Variants in CRPPA observed in about 807,000 individuals in gnomAD.
CRPPA encodes the protein CDP-L-ribitol pyrophosphorylase A, also known as D-ribitol-5-phosphate cytidylyltransferase.
CRPPA carries 43 observed loss-of-function variants against 52.0 expected under a neutral mutation model. The ratio of observed to expected loss-of-function variants is 0.83; its 90% CI spans 0.65 to 1.07. The LOEUF (loss-of-function observed/expected upper bound fraction) is 1.07. CRPPA is among the 50% of genes least tolerant of loss of function. The pLI, the probability that CRPPA is intolerant of heterozygous loss-of-function variation, is 0.00. For synonymous variants in CRPPA, 250 were observed against 203.5 expected, an observed-to-expected ratio of 1.23 and a Z score of -1.94; for missense variants, 629 against 551.7, an observed-to-expected ratio of 1.14 and a Z score of -1.40.
intron 3 of CRPPA, among the ~76,000 whole-genome samples, chr7:16,324,695 A>G (rs1025939401): frequency 3.9e-5 from 6 of 152,238 alleles, no homozygotes; most frequent in African/African-American, 1.4e-4. Context: ...TAACATCATT[A>G]TCTGCTCATG....
chr7:16,252,902 A>C lies in CRPPA; in HGVS notation c.1119+5488T>G, dbSNP rs551506289. ...GTAGTTTATTTGAGTAGAGGTGTTC[A>C]TAGTATTCTCTGATGGTAGTTTGTA... On this transcript the variant is annotated intron_variant, in intron 8 of 9. Transcript: ENST00000407010. 2.6e-5 allele frequency among the ~76,000 whole-genome samples: 4 copies of C among 152,252 alleles called. No individual in the cohort carries two copies. In the South Asian group the frequency reaches 8.3e-4, roughly 32 times the overall value.
chr7:16,159,079 C>T (rs1783247024), intron 9 of CRPPA, among the ~76,000 whole-genome samples: 1 of 152,206 alleles, frequency 6.6e-6, no homozygotes, highest in Non-Finnish European at 1.5e-5. Context: ...TTCACCACCA[C>T]TTAGAGTGGT....
chr7:16,344,080 C>A (rs1309469823), intron 3 of CRPPA, among the ~76,000 whole-genome samples: 1 of 151,980 alleles, frequency 6.6e-6, no homozygotes, highest in Non-Finnish European at 1.5e-5. Flanking sequence ...ACAGCAACAA[C>A]AAAAAATTAA....
chr7:16,383,804 G>A lies in CRPPA; in HGVS notation c.535-7563C>T, dbSNP rs138610144. On this transcript the variant is annotated intron_variant, in intron 2 of 9. Coordinates refer to ENST00000407010, the MANE Select transcript of CRPPA (RefSeq NM_001101426.4). ...GGGCGTAGGACCCTCCAAGCCATGT[G>A]CGGGATATAATCTCCTGGTGTGCCG... 5.6e-3 allele frequency among the ~76,000 whole-genome samples: 849 copies of A among 152,370 alleles called. 8 individuals are homozygous for A. The highest frequency in any genetic ancestry group is 6.5e-3 in the Non-Finnish European group (444 of 68,042).
intron 3 of CRPPA, among the ~76,000 whole-genome samples, chr7:16,311,924 G>A (rs1785042308): frequency 6.6e-6 from 1 of 151,948 alleles, no homozygotes; most frequent in Non-Finnish European, 1.5e-5. Flanking sequence ...AAGACCAATT[G>A]ATTACATTTA....
intron 9 of CRPPA, among the ~76,000 whole-genome samples, chr7:16,190,388 G>A (rs570443254): frequency 1.3e-5 from 2 of 152,090 alleles, no homozygotes; most frequent in African/African-American, 2.4e-5. Context: ...AGGAACAAAC[G>A]AATTAAGTAT....
chr7:16,234,249 C>T (rs73291476), intron 8 of CRPPA, among the ~76,000 whole-genome samples: 1 of 151,856 alleles, frequency 6.6e-6, no homozygotes, highest in Non-Finnish European at 1.5e-5. Context: ...AATACCACTC[C>T]CCAAATTTAA....
chr7:16,199,814 T>C (rs1243762420), intron 9 of CRPPA, among the ~76,000 whole-genome samples: 2 of 152,056 alleles, frequency 1.3e-5, no homozygotes, highest in Non-Finnish European at 2.9e-5. Flanking sequence ...TCCACTCTAA[T>C]TTATTCCAAA....
intron 3 of CRPPA, among the ~76,000 whole-genome samples, chr7:16,363,968 T>A (rs946453707): frequency 3.9e-5 from 6 of 152,120 alleles, no homozygotes; most frequent in African/African-American, 1.4e-4. Flanking sequence ...TAAAAACTAA[T>A]CTAAGAAATT....
intron 8 of CRPPA, among the ~76,000 whole-genome samples, chr7:16,220,766 T>G (rs1782476879): frequency 6.6e-6 from 1 of 151,544 alleles, no homozygotes; most frequent in African/African-American, 2.4e-5. Flanking sequence ...CAAGGACAAC[T>G]ACAAACCACT....
intron 3 of CRPPA, among the ~76,000 whole-genome samples, chr7:16,372,236 C>T (rs1786768083): frequency 6.6e-6 from 1 of 152,126 alleles, no homozygotes; most frequent in Non-Finnish European, 1.5e-5. Flanking sequence ...ATCACCAAGG[C>T]ACATAGTCAT....
rs1395463243 is a variant in CRPPA, at chr7:16,089,304, ATGTG to A, written c.*2387_*2390del. 4.0e-5 allele frequency: 16 copies of A among 396,840 alleles called. No homozygotes were observed. The highest frequency in any genetic ancestry group is 3.2e-4 in the Admixed American group (13 of 40,680). The allele number at this position is 396,840 out of a possible 1,614,324, so 24.6% of individuals were successfully genotyped here. The stretch of plus-strand genomic sequence containing the variant: ...TGTGTATGCGTACGTATATACATAT[ATGTG>A]TGTATGCGTACGTATATAAATATAT... On this transcript the variant is annotated 3_prime_UTR_variant, in exon 10 of 10. Transcript: ENST00000407010.
In CRPPA at chr7:16,090,144, T is replaced by G. The variant is rs1781804524; in HGVS notation, c.*1551A>C. The G allele has an allele frequency of 6.6e-6, 1 of 152,114 alleles. No homozygotes were observed. Among genetic ancestry groups the G allele is most frequent in the African/African-American group, 2.4e-5 (1 of 41,386 alleles). The allele number at this position is 152,114 out of a possible 1,614,324, so 9.4% of individuals were successfully genotyped here. A position where few individuals can be genotyped will look rare whatever the true frequency, so the allele number is the denominator to read the frequency against. ...AAACTTAAATTAATGGATTTTAAAT[T>G]TCTTAATATTCCTAGAGAGAGAAAA... On this transcript the variant is annotated 3_prime_UTR_variant, in exon 10 of 10. Coordinates refer to ENST00000407010, the MANE Select transcript of CRPPA (RefSeq NM_001101426.4).
rs1583476400 is a variant in CRPPA, at chr7:16,262,975, T to TTGC, written c.934-3964_934-3963insGCA. 4.6e-5 allele frequency among the ~76,000 whole-genome samples: 7 copies of TTGC among 152,346 alleles called. No homozygotes were observed. In the East Asian group the frequency reaches 1.3e-3, roughly 29 times the overall value. On this transcript the variant is annotated intron_variant, in intron 6 of 9. Transcript: ENST00000407010. Reference sequence around the variant, plus strand: ...TTTTTAAAGCAATGGAGAAGGAAGATTTTATGAATGATCTTTATCATATTT... The same window carrying TTGC: ...TTTTTAAAGCAATGGAGAAGGAAGATTGCTTTATGAATGATCTTTATCATATTT...
At chr7:16,202,474 C>G (rs1451667049) in intron 9 of CRPPA, among the ~76,000 whole-genome samples, 2 of 152,130 alleles carry the variant, frequency 1.3e-5, no homozygotes, top group African/African-American at 4.8e-5. Flanking sequence ...CACTGAGGGC[C>G]TACACTAGAC....
chr7:16,345,979 C>T (rs970592158), intron 3 of CRPPA, among the ~76,000 whole-genome samples: 1 of 152,092 alleles, frequency 6.6e-6, no homozygotes, highest in African/African-American at 2.4e-5. Context: ...TCGTTGTAGA[C>T]GTAAGTGTTC....
intron 9 of CRPPA, among the ~76,000 whole-genome samples, chr7:16,106,422 G>C (rs1042949527): frequency 2.6e-5 from 4 of 152,272 alleles, no homozygotes; most frequent in Admixed American, 2.6e-4. Context: ...CTTGTGACTA[G>C]TCTGACCAGA....
At position 16,091,797 on chromosome 7, in the gene CRPPA, A is replaced by G. The variant is rs1781843826; in HGVS notation, c.1254T>C (p.Asp418=). ...LYGLLISYPQ[D]DQKLQESLRQ... ...TTAAACTCTCCTGTAGCTTCTGATC[A>G]TCCTGAAAAGAAAGGATAAACCAGT... Residue 418 remains aspartate, a splice_region_variant and synonymous_variant, in exon 10 of 10, where the codon GAT becomes GAC. Coordinates refer to ENST00000407010, the MANE Select transcript of CRPPA (RefSeq NM_001101426.4). 4 of 1,494,030 alleles carry G rather than the reference A, an allele frequency of 2.7e-6. No homozygotes were observed. The highest frequency in any genetic ancestry group is 3.6e-6 in the Non-Finnish European group (4 of 1,115,482). The allele number at this position is 1,494,030 out of a possible 1,614,324, so 92.5% of individuals were successfully genotyped here.
In CRPPA at chr7:16,231,615, G is replaced by T. The variant is rs988229914; in HGVS notation, c.1120-15418C>A. Among the ~76,000 whole-genome samples, 1,508 of 152,180 alleles carry T rather than the reference G, an allele frequency of 9.9e-3. 46 individuals are homozygous for T. The East Asian group carries it at 0.13, about 13-fold the overall frequency. ...GATCTTGAACAGGCAAAATTACACA[G>T]TCTAAGCTAAAACAGACTGAACTTT... On this transcript the variant is annotated intron_variant, in intron 8 of 9. Coordinates refer to ENST00000407010, the MANE Select transcript of CRPPA (RefSeq NM_001101426.4).
Sources: gnomAD v4.1 joint callset for allele counts (sites outside exome capture counted in the v4.1 genomes callset) on GRCh38, gnomAD v4.1.1 for gene constraint, MANE v1.5 for transcripts, NCBI Gene and HGNC (gene_info 2026-07-23, HGNC 2026-07-21) for gene names.